LIPA: variants seen among roughly 807,000 people sequenced by gnomAD.
The protein encoded by LIPA is lysosomal acid lipase/cholesteryl ester hydrolase.
A neutral mutation model predicts 40.6 loss-of-function variants in LIPA; 26 were observed. That is an observed-to-expected ratio of 0.64 (90% CI 0.47 to 0.89). The LOEUF is 0.89. Among genes scored for constraint, LIPA ranks in the 40% least tolerant of loss-of-function variants. The pLI, the probability that LIPA is intolerant of heterozygous loss-of-function variation, is 0.00. For missense variants in LIPA, 455 were observed against 479.6 expected, an observed-to-expected ratio of 0.95 and a Z score of 0.48; for synonymous variants, 188 against 168.4, an observed-to-expected ratio of 1.12 and a Z score of -0.90.
chr10:89,384,247 G>A lies in LIPA; in HGVS notation c.61+28544C>T, dbSNP rs1393556736. The A allele has an allele frequency of 6.2e-7, 1 of 1,614,088 alleles. No individual in the cohort carries two copies. The highest frequency in any genetic ancestry group is 2.2e-5 in the East Asian group (1 of 44,902). ...GGAAGCTACAAACTGGCAGCCTAGA[G>A]GGCAAGATAGGGAAACTGTGGACAG... is the stretch of plus-strand genomic sequence containing the variant. On this transcript the variant is annotated intron_variant, in intron 2 of 8. Transcript: ENST00000371837.
At chr10:89,261,555 T>C (rs1406476702) in intron 1 of LIPA, among the ~76,000 whole-genome samples, 10 of 152,014 alleles carry the variant, frequency 6.6e-5, no homozygotes, top group Non-Finnish European at 8.8e-5. Flanking sequence ...TCAGAAGAGC[T>C]CACATAAAAA....
At chr10:89,216,320 G>A (rs1842625667) in intron 8 of LIPA, among the ~76,000 whole-genome samples, 1 of 150,890 alleles carries the variant, frequency 6.6e-6, no homozygotes, top group Admixed American at 6.7e-5. Context: ...GACATTTTCT[G>A]CTGAAATTTG....
intron 1 of LIPA, among the ~76,000 whole-genome samples, chr10:89,323,468 CT>C (rs376391191): frequency 2.5e-3 from 384 of 151,894 alleles, no homozygotes; most frequent in African/African-American, 9.0e-3. Context: ...TAAAAGGCAC[CT>C]AGATAGGAAG....
intron 2 of LIPA, 129 bp from the exon 3 acceptor site, chr10:89,245,922 T>C: frequency 1.4e-6 from 1 of 719,190 alleles, no homozygotes; most frequent in Non-Finnish European, 2.6e-6. Context: ...GAAATTTTAG[T>C]CTGCTAAATC....
intron 6 of LIPA, among the ~76,000 whole-genome samples, chr10:89,224,605 C>T (rs1564753259): frequency 6.6e-6 from 1 of 152,158 alleles, no homozygotes; most frequent in Non-Finnish European, 1.5e-5. Context: ...GGTTCGGGTG[C>T]CACAGCTTTA....
chr10:89,227,584 C>T (rs1400021437), intron 4 of LIPA, among the ~76,000 whole-genome samples: 4 of 152,162 alleles, frequency 2.6e-5, no homozygotes, highest in African/African-American at 9.7e-5. Flanking sequence ...AAACATAGAC[C>T]AAAACCCAAG....
intron 2 of LIPA, chr10:89,403,214 G>A (rs41284946): frequency 0.011 from 17,903 of 1,614,134 alleles, 129 homozygotes; most frequent in Non-Finnish European, 0.013. Flanking sequence ...CTAGAGGGCA[G>A]AACAGAGAAA....
rs559623868 is a variant in LIPA, at chr10:89,351,769, G to A, written c.61+61022C>T. Among the ~76,000 whole-genome samples the A allele has an allele frequency of 1.6e-4, 24 of 152,280 alleles. 1 individual carries two copies. In the South Asian group the frequency reaches 5.0e-3, roughly 32 times the overall value. On this transcript the variant is annotated intron_variant, in intron 2 of 8. Coordinates refer to the LIPA transcript ENST00000371837. ...GGCCCTTTTTATTTTGTCAGGCTTAGAGTCTTAATTGACCCACTCAAAAAA... is the reference window on the plus strand; with the variant it reads ...GGCCCTTTTTATTTTGTCAGGCTTAAAGTCTTAATTGACCCACTCAAAAAA...
chr10:89,336,522 C>T (rs936053328), intron 1 of LIPA, among the ~76,000 whole-genome samples: 8 of 152,280 alleles, frequency 5.3e-5, no homozygotes, highest in East Asian at 1.9e-4. Context: ...GATCAGTACA[C>T]TTGCAGTAGC....
chr10:89,353,348 G>A (rs1204070346), intron 2 of LIPA, among the ~76,000 whole-genome samples: 1 of 152,150 alleles, frequency 6.6e-6, no homozygotes, highest in Non-Finnish European at 1.5e-5. Flanking sequence ...GGGAAACAAT[G>A]CCTCAAGTGA....
chr10:89,218,125 G>A (rs150044897), intron 8 of LIPA, among the ~76,000 whole-genome samples: 74 of 152,250 alleles, frequency 4.9e-4, no homozygotes, highest in African/African-American at 1.6e-3. Context: ...AGGATAAACC[G>A]TTTTAAAATG....
At chr10:89,349,172 G>T in intron 2 of LIPA, among the ~76,000 whole-genome samples, 1 of 152,170 alleles carries the variant, frequency 6.6e-6, no homozygotes, top group Non-Finnish European at 1.5e-5. Flanking sequence ...TATCAACCAG[G>T]AAGATTAAAC....
chr10:89,244,807 A>G (rs1435701654), intron 3 of LIPA, among the ~76,000 whole-genome samples: 1 of 152,210 alleles, frequency 6.6e-6, no homozygotes, highest in East Asian at 1.9e-4. Flanking sequence ...GAACTTTCAT[A>G]TATTCATAGT....
intron 2 of LIPA, chr10:89,404,879 T>C (rs935557916): frequency 6.6e-5 from 10 of 151,942 alleles, no homozygotes; most frequent in African/African-American, 2.4e-4. Flanking sequence ...AGTGGACTGC[T>C]GGAGCCAGGG....
chr10:89,384,792 T>C (rs1844193652), intron 2 of LIPA: 1 of 1,385,420 alleles, frequency 7.2e-7, no homozygotes, highest in Non-Finnish European at 9.9e-7. Context: ...AGAATGACTA[T>C]GAAATTAAAT....
At chr10:89,389,129 T>C (rs776741972) in intron 2 of LIPA, among the ~76,000 whole-genome samples, 33 of 152,166 alleles carry the variant, frequency 2.2e-4, no homozygotes, top group Non-Finnish European at 4.4e-4. Context: ...TTCAAAAGAG[T>C]ATATAACATG....
rs144938680 is a variant in LIPA, at chr10:89,387,217, G to A, written c.61+25574C>T. On this transcript the variant is annotated intron_variant, in intron 2 of 8. Coordinates refer to the LIPA transcript ENST00000371837. The stretch of plus-strand genomic sequence containing the variant: ...TATAGTCCCAGCTACTCGGGAGGCT[G>A]AGGCAGGACAATGGCGTGAACCCAG... Among the ~76,000 whole-genome samples the A allele has an allele frequency of 1.9e-3, 289 of 151,508 alleles. 2 individuals are homozygous for A. Among genetic ancestry groups the A allele is most frequent in the African/African-American group, 6.8e-3 (281 of 41,212 alleles).
intron 2 of LIPA, among the ~76,000 whole-genome samples, chr10:89,353,033 C>T (rs1564798050): frequency 1.3e-5 from 2 of 152,262 alleles, no homozygotes; most frequent in South Asian, 4.1e-4. Flanking sequence ...TTCACTGAGA[C>T]AGACTAAGGC....
intron 2 of LIPA, among the ~76,000 whole-genome samples, chr10:89,382,384 T>C: frequency 6.6e-6 from 1 of 152,228 alleles, no homozygotes; most frequent in Non-Finnish European, 1.5e-5. Context: ...GACAAATTTC[T>C]TTTTCTTCCT....
Sources: allele counts gnomAD v4.1 joint callset (sites outside exome capture counted in the v4.1 genomes callset), GRCh38; gene constraint gnomAD v4.1.1; transcripts MANE v1.5; gene names NCBI Gene and HGNC (gene_info 2026-07-23, HGNC 2026-07-21).